MYT1: variants seen among roughly 807,000 people sequenced by gnomAD.
MYT1 encodes the protein myelin transcription factor 1.
MYT1 carries 23 observed loss-of-function variants against 123.0 expected under a neutral mutation model. The ratio of observed to expected loss-of-function variants is 0.19; its 90% CI spans 0.13 to 0.26. The LOEUF (loss-of-function observed/expected upper bound fraction) is 0.26, where lower values mean the gene tolerates loss of function less well. Among genes scored for constraint, MYT1 ranks in the 10% least tolerant of loss-of-function variants. MYT1 has a pLI of 1.00. For missense variants in MYT1, 1,125 were observed against 1,472.5 expected (o/e 0.76, Z 3.86); for synonymous variants, 518 against 575.3 (o/e 0.90, Z 1.43).
rs182529654 is a variant in MYT1, at chr20:64,218,220, G to A, written c.1847-691G>A. 2.2e-4 allele frequency among the ~76,000 whole-genome samples: 34 copies of A among 152,314 alleles called. No individual in the cohort carries two copies. Among genetic ancestry groups the A allele is most frequent in the African/African-American group, 7.2e-4 (30 of 41,556 alleles). On this transcript the variant is annotated intron_variant, in intron 11 of 22. Transcript: ENST00000328439. This position sits in a 1 kb window ranked among gnomAD's most constrained non-coding sequence, Gnocchi z 4.0. ...GTGCCAGTGGAGAGGGGGACCTCAC[G>A]ATAAGCTTTCCAATATATCTAGACC...
rs1983368900 is a variant in MYT1 at position 64,202,949 on chromosome 20, A to G, written c.87-2086A>G. 6.6e-6 allele frequency among the ~76,000 whole-genome samples: 1 copy of G among 152,176 alleles called. No homozygotes were observed. The highest frequency in any genetic ancestry group is 1.5e-5 in the Non-Finnish European group (1 of 68,024). ...CCCTGAGCACCCAGAGGACATCAGG[A>G]AATAAGAGCTGAGTGTGCTTGCAGG... On this transcript the variant is annotated intron_variant, in intron 4 of 22. Coordinates refer to ENST00000328439, the MANE Select transcript of MYT1 (RefSeq NM_004535.3). The surrounding 1 kb of genome is among the most constrained non-coding windows in gnomAD (Gnocchi z 5.0).
Position 64,186,829 on chromosome 20 carries a change from G to T in MYT1, c.-98-3234G>T, listed in dbSNP as rs1465957932. The stretch of plus-strand genomic sequence containing the variant: ...TGTAGCCTGTGGCCCCGGCATCCAC[G>T]TTTCCGTGGAGAGTTTCCTGTAGCA... On this transcript the variant is annotated intron_variant, in intron 1 of 22. Transcript: ENST00000328439. The surrounding 1 kb of genome is among the most constrained non-coding windows in gnomAD (Gnocchi z 4.3). Among the ~76,000 whole-genome samples, 2 of 150,254 alleles carry T rather than the reference G, an allele frequency of 1.3e-5. No individual in the cohort carries two copies. Among genetic ancestry groups the T allele is most frequent in the Non-Finnish European group, 3.0e-5 (2 of 67,774 alleles).
rs546728970 is a variant in MYT1, at chr20:64,231,552, A to G, written c.2676-612A>G. 9.8e-5 allele frequency among the ~76,000 whole-genome samples: 15 copies of G among 152,334 alleles called. 1 individual carries two copies. In the South Asian group the frequency reaches 1.9e-3, roughly 19 times the overall value. ...ATTATGGGTAGCGAGTCTCCCCCAC[A>G]TGAGGTCTGCGTTCTTCCTTCTAGA... is the stretch of plus-strand genomic sequence containing the variant. On this transcript the variant is annotated intron_variant, in intron 18 of 22. Coordinates refer to ENST00000328439, the MANE Select transcript of MYT1 (RefSeq NM_004535.3). This position sits in a 1 kb window ranked among gnomAD's most constrained non-coding sequence, Gnocchi z 6.4.
rs1984664912 is a variant in MYT1, at chr20:64,239,906, A to AGGCAGCACGCGGGCCTGCC, written c.3237+8_3237+26dup. ...CCAATATCCGCCTTCCGCACATGGTAGGCAGCACGCGGGCCTGCCGGCACC... is the reference window on the plus strand; with the variant it reads ...CCAATATCCGCCTTCCGCACATGGTAGGCAGCACGCGGGCCTGCCGGCAGCACGCGGGCCTGCCGGCACC... On this transcript the variant is annotated splice_donor_region_variant and intron_variant, in intron 22 of 22. Transcript: ENST00000328439. 4 of 1,611,826 alleles carry AGGCAGCACGCGGGCCTGCC rather than the reference A, an allele frequency of 2.5e-6. No homozygotes were observed. Among genetic ancestry groups the AGGCAGCACGCGGGCCTGCC allele is most frequent in the Non-Finnish European group, 3.4e-6 (4 of 1,179,988 alleles).
chr20:64,215,720 G>A (rs775291363), intron 10 of MYT1, among the ~76,000 whole-genome samples: 2 of 151,164 alleles, frequency 1.3e-5, no homozygotes, highest in Non-Finnish European at 2.9e-5. Context: ...GAGTACCTAG[G>A]AATACAGATG....
In MYT1 at chr20:64,193,615, T is replaced by C. The variant is rs1318014532; in HGVS notation, c.-1+3455T>C. On this transcript the variant is annotated intron_variant, in intron 2 of 22. Transcript: ENST00000328439. The surrounding 1 kb of genome is among the most constrained non-coding windows in gnomAD (Gnocchi z 4.0). The stretch of plus-strand genomic sequence containing the variant: ...TGAGACTGAATGTGGTGTGAGGTAC[T>C]GCTGGAGCCAGGCAGGGTAGGGGAC... Among the ~76,000 whole-genome samples, 5 of 152,136 alleles carry C rather than the reference T, an allele frequency of 3.3e-5. No homozygotes were observed. Among genetic ancestry groups the C allele is most frequent in the Admixed American group, 3.3e-4 (5 of 15,268 alleles).
In MYT1 at chr20:64,212,338, C is replaced by A. The variant is rs1039091739; in HGVS notation, c.1517+200C>A. On this transcript the variant is annotated intron_variant, in intron 9 of 22. Coordinates refer to ENST00000328439, the MANE Select transcript of MYT1 (RefSeq NM_004535.3). This position sits in a 1 kb window ranked among gnomAD's most constrained non-coding sequence, Gnocchi z 6.8. The stretch of plus-strand genomic sequence containing the variant: ...TGGGCCGTGAGCCCGTGACCTGGGA[C>A]GGGGCTCTGGCCTGCCTGGGGCTCC... 2.0e-5 allele frequency among the ~76,000 whole-genome samples: 3 copies of A among 152,094 alleles called. No homozygotes were observed. The highest frequency in any genetic ancestry group is 2.0e-4 in the Admixed American group (3 of 15,278).
intron 1 of MYT1, among the ~76,000 whole-genome samples, chr20:64,179,282 G>A (rs1444277557): frequency 2.0e-5 from 3 of 152,234 alleles, no homozygotes; most frequent in East Asian, 1.9e-4. Context: ...GCCCTTCAAC[G>A]TGGGTTTGTC....
Position 64,240,537 on chromosome 20 carries a change from G to C in MYT1, c.*89G>C. ...ACCGTGGGGATGCCCAACTCACAGT[G>C]ACTTCCCGTTTGGGGCCCGGTGTGG... On this transcript the variant is annotated 3_prime_UTR_variant, in exon 23 of 23. Coordinates refer to ENST00000328439, the MANE Select transcript of MYT1 (RefSeq NM_004535.3). 6.8e-7 allele frequency: 1 copy of C among 1,478,472 alleles called. No homozygotes were observed. 91.6% of individuals were successfully genotyped at this position (1,478,472 alleles called of 1,614,324 possible). A position where few individuals can be genotyped will look rare whatever the true frequency, so the allele number is the denominator to read the frequency against.
Position 64,232,319 on chromosome 20 carries a change from C to T in MYT1, c.2831C>T (p.Pro944Leu), listed in dbSNP as rs748668395. 2.4e-5 allele frequency: 39 copies of T among 1,612,890 alleles called. No individual in the cohort carries two copies. The highest frequency in any genetic ancestry group is 1.8e-4 in the East Asian group (8 of 44,894). The change falls in exon 19 of 23, where the codon CCG (proline) becomes CTG (leucine). Residue 944 changes from proline to leucine, a missense_variant. Around this residue, in one of 4 missense-constraint regions of MYT1, gnomAD observed 243 missense variants for 323.1 expected, o/e 0.75. Transcript: ENST00000328439. This position sits in a 1 kb window ranked among gnomAD's most constrained non-coding sequence, Gnocchi z 6.9. ...FSWKSLKNEGPTCPTPGCDGS... is the reference protein window; with the variant it reads ...FSWKSLKNEGLTCPTPGCDGS... The stretch of plus-strand genomic sequence containing the variant: ...TGGAAGTCCCTGAAGAATGAAGGAC[C>T]GACCTGCCCCACCCCGGGCTGTGAC...
chr20:64,198,604 A>T (rs1190636851), intron 2 of MYT1, among the ~76,000 whole-genome samples: 1 of 152,136 alleles, frequency 6.6e-6, no homozygotes, highest in Non-Finnish European at 1.5e-5. Context: ...GGTGCACTGT[A>T]CCCTCCTTGC....
rs141016925 is a variant in MYT1, at chr20:64,207,832, G to A, written c.636G>A (p.Lys212=). ...GAGCTGCCAGCGAGGAGGGTGAAAA[G>A]GGCCTCTTCATCCAGCCAGAGGATG... The part of the protein sequence containing the change: ...AEGAASEEGE[K]GLFIQPEDAE... Residue 212 remains lysine (K), a synonymous_variant, in exon 7 of 23, where the codon AAG becomes AAA. Transcript: ENST00000328439. 2.0e-5 allele frequency: 33 copies of A among 1,613,574 alleles called. No homozygotes were observed. Among genetic ancestry groups the A allele is most frequent in the Non-Finnish European group, 2.7e-5 (32 of 1,179,916 alleles).
intron 4 of MYT1, among the ~76,000 whole-genome samples, chr20:64,201,947 T>TGTCGGGAACCC (rs1568708097): frequency 6.5e-5 from 2 of 30,844 alleles, no homozygotes; most frequent in South Asian, 2.1e-3. Context: ...GTCGGGAACC[T>TGTCGGGAACCC]CTGCGTGTCG....
chr20:64,223,471 GC>G, intron 16 of MYT1, 112 bp downstream of exon 16: 2 of 1,230,750 alleles, frequency 1.6e-6, no homozygotes, highest in Non-Finnish European at 2.4e-6. Flanking sequence ...GCCTCAGCTG[GC>G]CCCAGCTCTC....
At chr20:64,198,774 C>T (rs1983204324) in intron 2 of MYT1, 88 bp from the exon 3 acceptor site, 1 of 1,444,612 alleles carries the variant, frequency 6.9e-7, no homozygotes, top group Non-Finnish European at 9.7e-7. Flanking sequence ...AAGCTTGAGC[C>T]AGAAAATGGC....
In MYT1 at chr20:64,193,434, C is replaced by G. The variant is rs1357276335; in HGVS notation, c.-1+3274C>G. 2.0e-5 allele frequency among the ~76,000 whole-genome samples: 3 copies of G among 152,152 alleles called. No homozygotes were observed. Among genetic ancestry groups the G allele is most frequent in the African/African-American group, 7.2e-5 (3 of 41,426 alleles). On this transcript the variant is annotated intron_variant, in intron 2 of 22. Transcript: ENST00000328439. This position sits in a 1 kb window ranked among gnomAD's most constrained non-coding sequence, Gnocchi z 4.0. ...AAATGCTTGAATGCTGCTCTTAGAT[C>G]GTTGAGTGGGAGCTTGGATCTTCCA...
rs1002006666 is a variant in MYT1 at position 64,189,252 on chromosome 20, C to T, written c.-98-811C>T. Among the ~76,000 whole-genome samples, 3 of 152,262 alleles carry T rather than the reference C, an allele frequency of 2.0e-5. No homozygotes were observed. The highest frequency in any genetic ancestry group is 4.4e-5 in the Non-Finnish European group (3 of 68,050). On this transcript the variant is annotated intron_variant, in intron 1 of 22. Coordinates refer to ENST00000328439, the MANE Select transcript of MYT1 (RefSeq NM_004535.3). This position sits in a 1 kb window ranked among gnomAD's most constrained non-coding sequence, Gnocchi z 5.5. ...GGCCCAACACGAGAATATTCATTTC[C>T]TGTTTCATTGTTGGTTACTTAATGA...
rs34624014 is a variant in MYT1 at position 64,216,478 on chromosome 20, T to G, written c.1632-589T>G. Among the ~76,000 whole-genome samples the G allele has an allele frequency of 3.7e-3, 559 of 152,346 alleles. 3 individuals are homozygous for G. Among genetic ancestry groups the G allele is most frequent in the Non-Finnish European group, 6.2e-3 (423 of 68,032 alleles). On this transcript the variant is annotated intron_variant, in intron 10 of 22. Coordinates refer to ENST00000328439, the MANE Select transcript of MYT1 (RefSeq NM_004535.3). The stretch of plus-strand genomic sequence containing the variant: ...GTTGCTGACCCTTCCAACAGTTCCT[T>G]GAGGGTCCACCTCAACACAGCTTTA...
At chr20:64,223,859 C>T (rs1984085479) in intron 16 of MYT1, among the ~76,000 whole-genome samples, 1 of 152,188 alleles carries the variant, frequency 6.6e-6, no homozygotes, top group African/African-American at 2.4e-5. Context: ...CTGCTTCTGC[C>T]TTGGCCCTGA....
Sources: gnomAD v4.1 joint callset for allele counts (sites outside exome capture counted in the v4.1 genomes callset) on GRCh38, gnomAD v4.1.1 for gene constraint, gnomAD v4.1.1 regional missense constraint, Gnocchi (gnomAD v3.1) non-coding constraint, MANE v1.5 for transcripts, NCBI Gene and HGNC (gene_info 2026-07-23, HGNC 2026-07-21) for gene names.